TLE1: variants seen among roughly 807,000 people sequenced by gnomAD.
The protein encoded by TLE1 is TLE family member 1, transcriptional corepressor.
In TLE1, 21 loss-of-function variants were observed where a neutral mutation model predicts 89.8. That is an observed-to-expected ratio of 0.23 (90% CI 0.17 to 0.34). The LOEUF (loss-of-function observed/expected upper bound fraction) is 0.34, where lower values mean the gene tolerates loss of function less well. Ranked by LOEUF, TLE1 falls within the 10% of genes least tolerant of loss-of-function variation. The pLI is 1.00. For missense variants in TLE1, 795 were observed against 1,031.2 expected (o/e 0.77, Z 3.14); for synonymous variants, 447 against 407.6 (o/e 1.10, Z -1.16).
At chr9:81,586,032 T>TTTTTTTG (rs1217977989) in intron 17 of TLE1, among the ~76,000 whole-genome samples, 3 of 151,236 alleles carry the variant, frequency 2.0e-5, no homozygotes, top group Non-Finnish European at 4.4e-5. Flanking sequence ...TTTTTTTTTT[T>TTTTTTTG]TTTGAGACGG....
intron 4 of TLE1, among the ~76,000 whole-genome samples, chr9:81,656,462 T>C (rs1202232296): frequency 6.6e-6 from 1 of 152,198 alleles, no homozygotes; most frequent in Non-Finnish European, 1.5e-5. Context: ...TATGCTCACT[T>C]TGAACTCATA....
intron 14 of TLE1, among the ~76,000 whole-genome samples, chr9:81,593,484 CAT>C (rs908947821): frequency 1.3e-5 from 2 of 152,080 alleles, no homozygotes; most frequent in Non-Finnish European, 2.9e-5. Flanking sequence ...TACCAAATGA[CAT>C]ATATATTGAA....
chr9:81,598,555 G>A (rs1830514697), intron 14 of TLE1, among the ~76,000 whole-genome samples: 1 of 152,120 alleles, frequency 6.6e-6, no homozygotes, highest in South Asian at 2.1e-4. Flanking sequence ...ACCACAAGCT[G>A]TCTACTGTTA....
chr9:81,684,400 C>T (rs915826950), intron 4 of TLE1, among the ~76,000 whole-genome samples: 2 of 152,048 alleles, frequency 1.3e-5, no homozygotes, highest in South Asian at 2.1e-4. Flanking sequence ...TAATAAAAGG[C>T]CCTGAAAATC....
chr9:81,680,662 A>AG (rs1833497410), intron 4 of TLE1, among the ~76,000 whole-genome samples: 9 of 152,236 alleles, frequency 5.9e-5, no homozygotes, highest in African/African-American at 2.2e-4. Flanking sequence ...AACAAAGGCT[A>AG]ATCTTGCACC....
intron 4 of TLE1, among the ~76,000 whole-genome samples, chr9:81,677,564 C>CAAAAAAAAA (rs60091510): frequency 1.2e-5 from 1 of 85,600 alleles, no homozygotes. Context: ...GACTCCATCT[C>CAAAAAAAAA]AAAAAAAAAA....
chr9:81,672,674 A>T (rs937285362), intron 4 of TLE1, among the ~76,000 whole-genome samples: 3 of 152,006 alleles, frequency 2.0e-5, no homozygotes, highest in South Asian at 2.1e-4. Flanking sequence ...TCAAAATGAA[A>T]TTTTTTCTTT....
intron 4 of TLE1, among the ~76,000 whole-genome samples, chr9:81,659,076 T>C (rs1021082845): frequency 6.6e-6 from 1 of 152,106 alleles, no homozygotes; most frequent in African/African-American, 2.4e-5. Flanking sequence ...ACCTGGCTAA[T>C]TTTTCTATTT....
chr9:81,636,456 T>TGGGGGGG (rs1184482988), intron 6 of TLE1, among the ~76,000 whole-genome samples: 1 of 62,036 alleles, frequency 1.6e-5, no homozygotes, highest in African/African-American at 6.5e-5. Context: ...GGGTGGGGGG[T>TGGGGGGG]GGGGGGAATG....
chr9:81,589,056 C>G (rs1024841975), intron 16 of TLE1, among the ~76,000 whole-genome samples: 1 of 152,208 alleles, frequency 6.6e-6, no homozygotes, highest in African/African-American at 2.4e-5. Context: ...TGAGTCCTCT[C>G]TCCTGCGGCC....
chr9:81,616,463 T>A (rs1824527004), intron 10 of TLE1, among the ~76,000 whole-genome samples, 183 bp downstream of exon 10: 1 of 152,164 alleles, frequency 6.6e-6, no homozygotes, highest in Non-Finnish European at 1.5e-5. Context: ...TTAAAGGAAA[T>A]AAAACTTTAT....
chr9:81,675,698 G>GTTTT (rs35060460), intron 4 of TLE1, among the ~76,000 whole-genome samples: 4,665 of 128,782 alleles, frequency 0.036, 554 homozygotes, highest in African/African-American at 0.057. Flanking sequence ...ACTCACACTA[G>GTTTT]TTTTTTTTTG....
At chr9:81,667,710 T>TAA (rs1831660948) in intron 4 of TLE1, among the ~76,000 whole-genome samples, 1 of 144,462 alleles carries the variant, frequency 6.9e-6, no homozygotes, top group African/African-American at 2.6e-5. Context: ...TTGAGCTGTA[T>TAA]TCCTGCTCCC....
intron 6 of TLE1, among the ~76,000 whole-genome samples, chr9:81,650,328 C>T (rs1188084750): frequency 6.6e-6 from 1 of 152,176 alleles, no homozygotes; most frequent in African/African-American, 2.4e-5. Context: ...AGAATTTAAA[C>T]GTCAGAGTTT....
At chr9:81,601,617 G>C (rs1435233575) in intron 14 of TLE1, among the ~76,000 whole-genome samples, 1 of 148,118 alleles carries the variant, frequency 6.8e-6, no homozygotes, top group East Asian at 2.0e-4. Flanking sequence ...AAAAAAAAAA[G>C]TCTAACTAAA....
intron 15 of TLE1, among the ~76,000 whole-genome samples, chr9:81,592,162 T>G (rs773036068): frequency 1.1e-4 from 16 of 152,172 alleles, no homozygotes; most frequent in Non-Finnish European, 2.2e-4. Flanking sequence ...ATCGAGACCA[T>G]TCTGGCTAAC....
chr9:81,665,061 G>C (rs1014392762), intron 4 of TLE1, among the ~76,000 whole-genome samples: 2 of 152,174 alleles, frequency 1.3e-5, no homozygotes, highest in African/African-American at 4.8e-5. Context: ...ACTTGCCTAA[G>C]ATCAGAACAA....
chr9:81,669,795 C>T (rs965463265), intron 4 of TLE1, among the ~76,000 whole-genome samples: 1 of 152,150 alleles, frequency 6.6e-6, no homozygotes, highest in African/African-American at 2.4e-5. Context: ...ATCATTTAAG[C>T]CATAGAATAA....
Position 81,688,601 on chromosome 9 carries a change from A to AGTG in TLE1, c.-362_-361insCAC. On this transcript the variant is annotated 5_prime_UTR_variant, in exon 1 of 20. Transcript: ENST00000376499. Reference sequence around the variant, plus strand: ...GCGGGGGCGCGGTGACTCCGACCGCACTCCCCTCGGCGATCCGCGTGCGCG... The same window carrying AGTG: ...GCGGGGGCGCGGTGACTCCGACCGCAGTGCTCCCCTCGGCGATCCGCGTGCGCG... 1 of 252,652 alleles carries AGTG rather than the reference A, an allele frequency of 4.0e-6. No homozygotes were observed. The highest frequency in any genetic ancestry group is 7.4e-6 in the Non-Finnish European group (1 of 134,374). The allele number at this position is 252,652 out of a possible 1,614,324, so 15.7% of individuals were successfully genotyped here. A position where few individuals can be genotyped will look rare whatever the true frequency, so the allele number is the denominator to read the frequency against.
Sources: allele counts gnomAD v4.1 joint callset (sites outside exome capture counted in the v4.1 genomes callset), GRCh38; gene constraint gnomAD v4.1.1; transcripts MANE v1.5; gene names NCBI Gene and HGNC (gene_info 2026-07-23, HGNC 2026-07-21).